MOB1B: variants seen among roughly 807,000 people sequenced by gnomAD.
The protein encoded by MOB1B is MOB kinase activator 1B, also known as MOB1 Mps One Binder homolog B.
A neutral mutation model predicts 24.4 loss-of-function variants in MOB1B; 19 were observed. The observed-to-expected ratio is 0.78, with a 90% CI of 0.54 to 1.14. MOB1B has a LOEUF of 1.14. Ranked by LOEUF, MOB1B falls within the 50% of genes most tolerant of loss-of-function variation. The probability of loss-of-function intolerance (pLI) is 0.00; values close to 1 mark genes in which losing one functional copy is unlikely to be tolerated. For missense variants in MOB1B, 243 were observed against 259.6 expected (o/e 0.94, Z 0.44); for synonymous variants, 76 against 82.1 (o/e 0.93, Z 0.40).
chr4:70,906,155 A>T (rs1735729885), intron 1 of MOB1B, among the ~76,000 whole-genome samples: 1 of 152,212 alleles, frequency 6.6e-6, no homozygotes, highest in Admixed American at 6.5e-5. Context: ...AGGTGGGTGG[A>T]TCACTTGAAG....
rs924319544 is a variant in MOB1B, at chr4:70,985,638, C to T, written c.*3581C>T. On this transcript the variant is annotated 3_prime_UTR_variant, in exon 6 of 6. Coordinates refer to ENST00000309395, the MANE Select transcript of MOB1B (RefSeq NM_173468.4). ...TCCTGGGTTCAAGCATTTCTCCTGCCTCAGCCTCCCAAGTAGCTGGGATTA... is the reference window on the plus strand; with the variant it reads ...TCCTGGGTTCAAGCATTTCTCCTGCTTCAGCCTCCCAAGTAGCTGGGATTA... 5 of 152,370 alleles carry T rather than the reference C, an allele frequency of 3.3e-5. No individual in the cohort carries two copies. Among genetic ancestry groups the T allele is most frequent in the Admixed American group, 6.5e-5 (1 of 15,272 alleles). The allele number at this position is 152,370 out of a possible 1,614,324, so 9.4% of individuals were successfully genotyped here.
intron 3 of MOB1B, among the ~76,000 whole-genome samples, chr4:70,973,493 A>T (rs970700878): frequency 6.7e-6 from 1 of 149,332 alleles, no homozygotes; most frequent in Non-Finnish European, 1.5e-5. Flanking sequence ...AAAAAAAAAA[A>T]CATAATGATG....
chr4:70,935,256 A>G (rs1560642111), intron 1 of MOB1B, among the ~76,000 whole-genome samples: 1 of 152,220 alleles, frequency 6.6e-6, no homozygotes, highest in Non-Finnish European at 1.5e-5. Flanking sequence ...AACACCCACC[A>G]GTCCTGAAAA....
Position 70,964,723 on chromosome 4 carries a change from A to C in MOB1B, c.182-5208A>C, listed in dbSNP as rs375782124. On this transcript the variant is annotated intron_variant, in intron 2 of 5. Transcript: ENST00000309395. ...GGTGGGTGGATCACCTGAGGTCAGA[A>C]GTTCGGGACCAGCCTGGCCAACATG... 5.9e-5 allele frequency among the ~76,000 whole-genome samples: 9 copies of C among 152,138 alleles called. No individual in the cohort carries two copies. In the East Asian group the frequency reaches 1.7e-3, roughly 29 times the overall value.
At chr4:70,908,328 C>G (rs1241898609) in intron 1 of MOB1B, among the ~76,000 whole-genome samples, 1 of 148,290 alleles carries the variant, frequency 6.7e-6, no homozygotes, top group Non-Finnish European at 1.5e-5. Flanking sequence ...GTGCCCGGCC[C>G]TCTTTTTTTT....
intron 4 of MOB1B, chr4:70,976,373 G>A (rs1738997098): frequency 7.1e-6 from 7 of 985,106 alleles, no homozygotes; most frequent in Non-Finnish European, 8.4e-6. Flanking sequence ...TTGAATTTAT[G>A]ACCCACAATA....
intron 1 of MOB1B, among the ~76,000 whole-genome samples, chr4:70,945,608 G>C (rs1036387435): frequency 1.3e-5 from 2 of 152,128 alleles, no homozygotes; most frequent in African/African-American, 4.8e-5. Flanking sequence ...TTTTGTCTTG[G>C]AATTCTTTGT....
chr4:70,975,339 T>C, intron 4 of MOB1B, 53 bp downstream of exon 4: 1 of 1,592,740 alleles, frequency 6.3e-7, no homozygotes, highest in Non-Finnish European at 8.5e-7. Context: ...TTTATATGTT[T>C]ATAGAATTTT....
chr4:70,961,980 TTTTGGGAGGCTGA>T (rs1370073823), intron 2 of MOB1B, among the ~76,000 whole-genome samples: 2 of 152,080 alleles, frequency 1.3e-5, no homozygotes, highest in Non-Finnish European at 2.9e-5. Flanking sequence ...AATCCCAGCA[TTTTGGGAGGCTGA>T]GGTGGGAGGA....
In MOB1B at chr4:70,986,431, A is replaced by G. The variant is rs527685828; in HGVS notation, c.*4374A>G. The stretch of plus-strand genomic sequence containing the variant: ...AATTGTATAACCTTTTCATATATTT[A>G]TAACTTTTAATGTCTTTTTAAAAGA... On this transcript the variant is annotated 3_prime_UTR_variant, in exon 6 of 6. Coordinates refer to ENST00000309395, the MANE Select transcript of MOB1B (RefSeq NM_173468.4). 9 of 152,186 alleles carry G rather than the reference A, an allele frequency of 5.9e-5. No homozygotes were observed. In the South Asian group the frequency reaches 1.2e-3, roughly 21 times the overall value. The allele number at this position is 152,186 out of a possible 1,614,324, so 9.4% of individuals were successfully genotyped here.
chr4:70,905,464 G>C (rs538998034), intron 1 of MOB1B, among the ~76,000 whole-genome samples: 1 of 151,856 alleles, frequency 6.6e-6, no homozygotes, highest in East Asian at 1.9e-4. Flanking sequence ...GCCCAGGCTG[G>C]TCTCCTGGGC....
At chr4:70,937,041 C>T (rs1273384454) in intron 1 of MOB1B, among the ~76,000 whole-genome samples, 2 of 151,972 alleles carry the variant, frequency 1.3e-5, no homozygotes, top group African/African-American at 2.4e-5. Flanking sequence ...CTCAGCCTCC[C>T]GAGTAGCTGG....
intron 1 of MOB1B, among the ~76,000 whole-genome samples, chr4:70,927,377 TA>T (rs1247377308): frequency 6.6e-6 from 1 of 151,850 alleles, no homozygotes; most frequent in Non-Finnish European, 1.5e-5. Flanking sequence ...CCGTCTCTAC[TA>T]AAAATACAAT....
chr4:70,942,952 C>G (rs1737410271), intron 1 of MOB1B: 3 of 314,856 alleles, frequency 9.5e-6, no homozygotes, highest in Non-Finnish European at 1.4e-5. Context: ...TAATGTAGCT[C>G]AGAAATATAT....
chr4:70,979,120 T>A lies in MOB1B; in HGVS notation c.410-8T>A. ...GTTACTAGAGGGAGTTGTTTATCTC[T>A]TTTCTAGGTGTCCCGTTCCCAAAGA... is the stretch of plus-strand genomic sequence containing the variant. On this transcript the variant is annotated splice_polypyrimidine_tract_variant and splice_region_variant and intron_variant, in intron 4 of 5. Transcript: ENST00000309395. 1 of 1,611,856 alleles carries A rather than the reference T, an allele frequency of 6.2e-7. No homozygotes were observed. Among genetic ancestry groups the A allele is most frequent in the Non-Finnish European group, 8.5e-7 (1 of 1,178,638 alleles).
At chr4:70,935,046 T>A (rs1737027274) in intron 1 of MOB1B, among the ~76,000 whole-genome samples, 1 of 152,174 alleles carries the variant, frequency 6.6e-6, no homozygotes, top group Non-Finnish European at 1.5e-5. Flanking sequence ...ATGATCCTTC[T>A]GCCTAGCTGG....
Position 70,986,953 on chromosome 4 carries a change from C to T in MOB1B, c.*4896C>T, listed in dbSNP as rs1560673657. 2 of 151,780 alleles carry T rather than the reference C, an allele frequency of 1.3e-5. No individual in the cohort carries two copies. Among genetic ancestry groups the T allele is most frequent in the Admixed American group, 1.3e-4 (2 of 15,270 alleles). The allele number at this position is 151,780 out of a possible 1,614,324, so 9.4% of individuals were successfully genotyped here. A position where few individuals can be genotyped will look rare whatever the true frequency, so the allele number is the denominator to read the frequency against. On this transcript the variant is annotated 3_prime_UTR_variant, in exon 6 of 6. Transcript: ENST00000309395. Reference sequence around the variant, plus strand: ...ACATTTTGACAAAAGAGAGAAAATACAAAAATGAGTTTTGCAAATGTAATA... The same window carrying T: ...ACATTTTGACAAAAGAGAGAAAATATAAAAATGAGTTTTGCAAATGTAATA...
intron 1 of MOB1B, among the ~76,000 whole-genome samples, chr4:70,956,393 G>T (rs868057245): frequency 7.2e-5 from 11 of 152,076 alleles, no homozygotes; most frequent in African/African-American, 2.7e-4. Context: ...CTCCCAAAGT[G>T]CTGGTATTAC....
chr4:70,960,011 G>A (rs946825996), intron 2 of MOB1B, among the ~76,000 whole-genome samples: 4 of 152,054 alleles, frequency 2.6e-5, no homozygotes, highest in African/African-American at 9.7e-5. Flanking sequence ...AGCCTCCTGA[G>A]TAGCTGGGAT....
Sources: allele counts gnomAD v4.1 joint callset (sites outside exome capture counted in the v4.1 genomes callset), GRCh38; gene constraint gnomAD v4.1.1; transcripts MANE v1.5; gene names NCBI Gene and HGNC (gene_info 2026-07-23, HGNC 2026-07-21).